PBX4: variants seen among roughly 807,000 people sequenced by gnomAD.
PBX4 encodes the protein pre-B-cell leukemia transcription factor 4.
A neutral mutation model predicts 35.1 loss-of-function variants in PBX4; 26 were observed. The ratio of observed to expected loss-of-function variants is 0.74; its 90% CI spans 0.54 to 1.03. The LOEUF is 1.03. Among genes scored for constraint, PBX4 ranks in the 50% least tolerant of loss-of-function variants. PBX4 has a pLI of 0.00. For synonymous variants in PBX4, 199 were observed against 204.2 expected, an observed-to-expected ratio of 0.97 and a Z score of 0.22; for missense variants, 448 against 504.3, an observed-to-expected ratio of 0.89 and a Z score of 1.07.
intron 2 of PBX4, among the ~76,000 whole-genome samples, chr19:19,575,291 AC>A (rs34623015): frequency 0.43 from 64,091 of 150,446 alleles, 13,880 homozygotes; most frequent in African/African-American, 0.48. Flanking sequence ...CACTGCCAGC[AC>A]CCATGAGCGA....
At chr19:19,588,136 A>G in intron 2 of PBX4, 1 of 1,126,808 alleles carries the variant, frequency 8.9e-7, no homozygotes, top group Non-Finnish European at 1.3e-6. Flanking sequence ...AAGAGGTCTT[A>G]GAGCTCCCCA....
chr19:19,616,236 G>A (rs2061688206), intron 1 of PBX4, among the ~76,000 whole-genome samples: 1 of 152,170 alleles, frequency 6.6e-6, no homozygotes, highest in Non-Finnish European at 1.5e-5. Flanking sequence ...AGGTAAACGG[G>A]ATGGGAGGTC....
At chr19:19,586,706 GA>G (rs1471165077) in intron 2 of PBX4, among the ~76,000 whole-genome samples, 1 of 151,952 alleles carries the variant, frequency 6.6e-6, no homozygotes, top group Non-Finnish European at 1.5e-5. Context: ...AGCACTTTGG[GA>G]GGCCACGAAG....
chr19:19,585,742 T>G (rs2061484897), intron 2 of PBX4, among the ~76,000 whole-genome samples: 1 of 152,030 alleles, frequency 6.6e-6, no homozygotes, highest in African/African-American at 2.4e-5. Flanking sequence ...CTTAAGAAGG[T>G]TCTTTGTAAT....
At chr19:19,605,443 T>TAATAATAATAAC (rs1555740378) in intron 1 of PBX4, among the ~76,000 whole-genome samples, 3 of 142,338 alleles carry the variant, frequency 2.1e-5, no homozygotes, top group East Asian at 4.1e-4. Flanking sequence ...ATAATAATAA[T>TAATAATAATAAC]AATAACAATA....
At chr19:19,586,385 C>T (rs890990978) in intron 2 of PBX4, among the ~76,000 whole-genome samples, 5 of 152,056 alleles carry the variant, frequency 3.3e-5, no homozygotes, top group African/African-American at 1.2e-4. Context: ...TGTACTCCAG[C>T]CTGTCTCTTT....
rs201537948 is a variant in PBX4 at position 19,569,478 on chromosome 19, C to A, written c.739G>T (p.Ala247Ser). The change falls in exon 5 of 8, where the codon GCC becomes TCC. Residue 247 changes from alanine (A) to serine (S), a missense_variant. Transcript: ENST00000251203. Reference protein sequence around the residue: ...YPSEEAKEELARKGGLTISQV... With the variant: ...YPSEEAKEELSRKGGLTISQV... ...GAGATGGTGAGGCCGCCCTTCCTGG[C>A]CAGCTCTTCTTTGGCTTCTTCGCTG... 6 of 1,613,116 alleles carry A rather than the reference C, an allele frequency of 3.7e-6. No individual in the cohort carries two copies. The South Asian group carries it at 5.5e-5, about 15-fold the overall frequency.
rs184557741 is a variant in PBX4, at chr19:19,565,502, C to G, written c.769-413G>C. 3.2e-3 allele frequency among the ~76,000 whole-genome samples: 482 copies of G among 152,308 alleles called. 5 individuals are homozygous for G. The highest frequency in any genetic ancestry group is 0.011 in the African/African-American group (456 of 41,556). ...GGGAGACCTGGGGACCCAGTAACTGCGATCGAATCCCAAACTTATCAAATG... is the reference window on the plus strand; with the variant it reads ...GGGAGACCTGGGGACCCAGTAACTGGGATCGAATCCCAAACTTATCAAATG... On this transcript the variant is annotated intron_variant, in intron 5 of 7. Coordinates refer to ENST00000251203, the MANE Select transcript of PBX4 (RefSeq NM_025245.3).
chr19:19,613,374 A>G (rs1242097794), intron 1 of PBX4, among the ~76,000 whole-genome samples: 1 of 149,052 alleles, frequency 6.7e-6, no homozygotes, highest in African/African-American at 2.5e-5. Flanking sequence ...AGGCTGAGGC[A>G]GGAGAATCTC....
At chr19:19,603,951 CA>C (rs575405663) in intron 1 of PBX4, among the ~76,000 whole-genome samples, 2,010 of 95,596 alleles carry the variant, frequency 0.021, 48 homozygotes, top group South Asian at 0.1. Context: ...GACTCCATCT[CA>C]AAAAAAAAAA....
intron 2 of PBX4, among the ~76,000 whole-genome samples, chr19:19,581,277 C>T (rs2061452457): frequency 6.6e-6 from 1 of 152,170 alleles, no homozygotes; most frequent in Non-Finnish European, 1.5e-5. Context: ...TTCTGTTTTA[C>T]ATGGCCACCA....
At chr19:19,568,493 C>A (rs1357151033) in intron 5 of PBX4, among the ~76,000 whole-genome samples, 2 of 138,938 alleles carry the variant, frequency 1.4e-5, no homozygotes, top group Non-Finnish European at 3.1e-5. Flanking sequence ...CACACTCCAT[C>A]TGTATCCCTC....
intron 2 of PBX4, among the ~76,000 whole-genome samples, chr19:19,593,962 C>G (rs912659648): frequency 4.0e-5 from 6 of 150,826 alleles, no homozygotes; most frequent in African/African-American, 7.3e-5. Context: ...CTCATCCCCC[C>G]AAAAATAGTC....
chr19:19,609,799 C>T (rs1394108809), intron 1 of PBX4, among the ~76,000 whole-genome samples: 1 of 151,654 alleles, frequency 6.6e-6, no homozygotes, highest in Non-Finnish European at 1.5e-5. Context: ...TGCAGTGAGC[C>T]GAGATTGCGC....
At chr19:19,594,094 A>T (rs937688686) in intron 2 of PBX4, among the ~76,000 whole-genome samples, 14 of 148,346 alleles carry the variant, frequency 9.4e-5, no homozygotes, top group Non-Finnish European at 1.3e-4. Flanking sequence ...TAAAAAAAAA[A>T]AAAAATAAAA....
At chr19:19,603,989 T>G (rs999135851) in intron 1 of PBX4, among the ~76,000 whole-genome samples, 1 of 151,408 alleles carries the variant, frequency 6.6e-6, no homozygotes, top group African/African-American at 2.4e-5. Flanking sequence ...AGCTGGTATG[T>G]GCATGTAGCA....
chr19:19,579,980 G>C (rs768275086), intron 2 of PBX4: 1 of 152,340 alleles, frequency 6.6e-6, no homozygotes, highest in Admixed American at 6.5e-5. Flanking sequence ...CGTTGGAGAC[G>C]GATTAAACTG....
At position 19,562,853 on chromosome 19, in the gene PBX4, G is replaced by T. The variant is rs752441756; in HGVS notation, c.1032+656C>A. 7.2e-5 allele frequency among the ~76,000 whole-genome samples: 11 copies of T among 152,206 alleles called. No homozygotes were observed. The highest frequency in any genetic ancestry group is 1.3e-4 in the Admixed American group (2 of 15,286). On this transcript the variant is annotated intron_variant, in intron 7 of 7. Transcript: ENST00000251203. The surrounding 1 kb of genome is among the most constrained non-coding windows in gnomAD (Gnocchi z 4.8). ...GTGTGTCCCTGGCTGGGGGCTGCATGGTGATGGGGGGCAGCTGCCACAGCA... is the reference window on the plus strand; with the variant it reads ...GTGTGTCCCTGGCTGGGGGCTGCATTGTGATGGGGGGCAGCTGCCACAGCA...
intron 3 of PBX4, 81 bp from the exon 4 acceptor site, chr19:19,570,380 C>A (rs979363213): frequency 4.0e-6 from 6 of 1,484,558 alleles, no homozygotes; most frequent in Non-Finnish European, 5.4e-6. Flanking sequence ...GCGGAGCAGC[C>A]GCCTGCCACC....
Sources: gnomAD v4.1 joint callset for allele counts (sites outside exome capture counted in the v4.1 genomes callset) on GRCh38, gnomAD v4.1.1 for gene constraint, Gnocchi (gnomAD v3.1) non-coding constraint, MANE v1.5 for transcripts, NCBI Gene and HGNC (gene_info 2026-07-23, HGNC 2026-07-21) for gene names.